UBR4: variants seen among roughly 807,000 people sequenced by gnomAD.
The protein encoded by UBR4 is E3 ubiquitin-protein ligase UBR4.
In UBR4, 124 loss-of-function variants were observed where a neutral mutation model predicts 575.6. The observed-to-expected ratio is 0.22, with a 90% CI of 0.19 to 0.25. UBR4 has a LOEUF of 0.25. Among genes scored for constraint, UBR4 ranks in the 10% least tolerant of loss-of-function variants. UBR4 has a pLI of 1.00. For missense variants in UBR4, 4,818 were observed against 6,478.8 expected (o/e 0.74, Z 8.80); for synonymous variants, 2,455 against 2,473.7 (o/e 0.99, Z 0.22).
At chr1:19,186,845 T>C (rs530290895) in intron 13 of UBR4, among the ~76,000 whole-genome samples, 188 bp from the exon 14 acceptor site, 4 of 152,222 alleles carry the variant, frequency 2.6e-5, no homozygotes, top group East Asian at 1.9e-4. Context: ...TGGACAAGAA[T>C]TGAAAACAGG....
At chr1:19,106,435 A>C in intron 83 of UBR4, 134 bp downstream of exon 83, 3 of 1,216,958 alleles carry the variant, frequency 2.5e-6, no homozygotes, top group Non-Finnish European at 3.3e-6. Flanking sequence ...CTCACTCCCT[A>C]TTTGAAAGGA....
In UBR4 at chr1:19,146,897, C is replaced by T. The variant is rs778424319; in HGVS notation, c.7733G>A (p.Arg2578His). The T allele has an allele frequency of 8.1e-6, 13 of 1,614,110 alleles. No homozygotes were observed. Among genetic ancestry groups the T allele is most frequent in the Middle Eastern group, 1.7e-4 (1 of 6,056 alleles). Residue 2578 changes from arginine (R) to histidine (H), a missense_variant, in exon 52 of 106, where the codon CGC becomes CAC. Transcript: ENST00000375254. ...EVFQRLVITARSIAIMRPNNL... is the reference protein window; with the variant it reads ...EVFQRLVITAHSIAIMRPNNL... ...GTTGGGGCGCATGATGGCAATGGAGCGAGCTGTGATCACTAGCCTCTGGAA... is the reference window on the plus strand; with the variant it reads ...GTTGGGGCGCATGATGGCAATGGAGTGAGCTGTGATCACTAGCCTCTGGAA...
In UBR4 at chr1:19,157,276, A is replaced by G. The variant is rs1366263685; in HGVS notation, c.5761-351T>C. Among the ~76,000 whole-genome samples, 3 of 152,246 alleles carry G rather than the reference A, an allele frequency of 2.0e-5. No homozygotes were observed. Among genetic ancestry groups the G allele is most frequent in the Middle Eastern group, 3.2e-3 (1 of 316 alleles). On this transcript the variant is annotated intron_variant, in intron 40 of 105. Transcript: ENST00000375254. This position sits in a 1 kb window ranked among gnomAD's most constrained non-coding sequence, Gnocchi z 4.4. The stretch of plus-strand genomic sequence containing the variant: ...GAAGGACTATCCATATTTTCACTTA[A>G]AATAAAAGTTAAAACAACATTAGTG...
At chr1:19,169,663 T>G (rs1266776873) in intron 26 of UBR4, 131 bp from the exon 27 acceptor site, 4 of 628,634 alleles carry the variant, frequency 6.4e-6, no homozygotes, top group Non-Finnish European at 1.1e-5. Context: ...TAAGATAGCT[T>G]AGATAGATAT....
Position 19,102,083 on chromosome 1 carries a change from C to T in UBR4, c.12902-442G>A, listed in dbSNP as rs141773551. On this transcript the variant is annotated intron_variant, in intron 87 of 105. Transcript: ENST00000375254. ...AGACTGTCCTCTATAAGCGAAAAAA[C>T]ACAACTTAAAGTAACATGAAGGTGA... Among the ~76,000 whole-genome samples, 24 of 152,280 alleles carry T rather than the reference C, an allele frequency of 1.6e-4. No homozygotes were observed. In the East Asian group the frequency reaches 3.7e-3, roughly 23 times the overall value.
chr1:19,185,434 C>T lies in UBR4; in HGVS notation c.1751-148G>A, dbSNP rs1351154065. The T allele has an allele frequency of 8.0e-6, 6 of 750,594 alleles. No homozygotes were observed. The East Asian group carries it at 1.2e-4, about 15-fold the overall frequency. The allele number at this position is 750,594 out of a possible 1,614,324, so 46.5% of individuals were successfully genotyped here. A position where few individuals can be genotyped will look rare whatever the true frequency, so the allele number is the denominator to read the frequency against. On this transcript the variant is annotated intron_variant, in intron 14 of 105. Coordinates refer to ENST00000375254, the MANE Select transcript of UBR4 (RefSeq NM_020765.3). ...ACAAGATTGCATTTGTGTATCAAAA[C>T]TCATCTAAATGCATACATAAAATAA...
chr1:19,193,052 C>T (rs4911978), intron 9 of UBR4, among the ~76,000 whole-genome samples: 100,657 of 152,044 alleles, frequency 0.66, 34,091 homozygotes, highest in African/African-American at 0.79. Flanking sequence ...ACTGGGATCA[C>T]AGGTGTGAGT....
intron 99 of UBR4, among the ~76,000 whole-genome samples, chr1:19,087,599 A>G (rs1170504783): frequency 2.0e-5 from 3 of 152,240 alleles, no homozygotes; most frequent in Non-Finnish European, 2.9e-5. Context: ...AATGAGCAGC[A>G]TTTGTCATGA....
intron 48 of UBR4, chr1:19,151,397 C>T: frequency 1.7e-6 from 1 of 585,190 alleles, no homozygotes; most frequent in Admixed American, 3.1e-5. Flanking sequence ...GAGGTGGACA[C>T]AACACTATTG....
At position 19,164,351 on chromosome 1, in the gene UBR4, G is replaced by A. The variant is rs774281395; in HGVS notation, c.4602C>T (p.Phe1534=). The change falls in exon 33 of 106, where the codon TTC becomes TTT. Residue 1534 remains phenylalanine, a synonymous_variant. Coordinates refer to ENST00000375254, the MANE Select transcript of UBR4 (RefSeq NM_020765.3). ...EMLANGDGTG[F]PELMVVMATL... is the part of the protein sequence containing the mutation. ...TGGCCATCACAACCATAAGTTCAGGGAAGCCAGTCCCATCACCGTTGGCCA... is the reference window on the plus strand; with the variant it reads ...TGGCCATCACAACCATAAGTTCAGGAAAGCCAGTCCCATCACCGTTGGCCA... The A allele has an allele frequency of 8.7e-6, 14 of 1,613,934 alleles. No homozygotes were observed. Among genetic ancestry groups the A allele is most frequent in the African/African-American group, 1.3e-5 (1 of 74,938 alleles).
In UBR4 at chr1:19,084,986, C is replaced by T. The variant is rs75649706; in HGVS notation, c.14814-288G>A. ...TAATGAACTAATGTTGTAGGACATA[C>T]CGTGGCTGCATGTGGAGTACATTTT... is the stretch of plus-strand genomic sequence containing the variant. On this transcript the variant is annotated intron_variant, in intron 101 of 105. Coordinates refer to ENST00000375254, the MANE Select transcript of UBR4 (RefSeq NM_020765.3). Among the ~76,000 whole-genome samples the T allele has an allele frequency of 9.8e-4, 149 of 152,354 alleles. 1 individual carries two copies. In the East Asian group the frequency reaches 0.02, roughly 21 times the overall value.
At chr1:19,094,408 G>C (rs955664726) in intron 94 of UBR4, among the ~76,000 whole-genome samples, 2 of 152,196 alleles carry the variant, frequency 1.3e-5, no homozygotes, top group African/African-American at 4.8e-5. Flanking sequence ...AATGCAGGCT[G>C]CTGGACATTC....
At chr1:19,191,396 G>A (rs1296455495) in intron 11 of UBR4, among the ~76,000 whole-genome samples, 5 of 152,116 alleles carry the variant, frequency 3.3e-5, no homozygotes, top group African/African-American at 4.8e-5. Flanking sequence ...GCTTGAACCC[G>A]CGAAGTGGAG....
chr1:19,106,024 G>A (rs1445756977), intron 83 of UBR4, among the ~76,000 whole-genome samples, 182 bp from the exon 84 acceptor site: 1 of 152,136 alleles, frequency 6.6e-6, no homozygotes, highest in Non-Finnish European at 1.5e-5. Context: ...TGGGGAAAGG[G>A]GCTGTGAAAG....
At position 19,161,664 on chromosome 1, in the gene UBR4, C is replaced by T. The variant is rs1553195305; in HGVS notation, c.5100G>A (p.Lys1700=). The stretch of plus-strand genomic sequence containing the variant: ...ACTTGGCATAGGAAATCTCATGATC[C>T]TTGTGGCACACCTTAGCACACACTG... ...VCTVCAKVCH[K]DHEISYAKYG... The change falls in exon 37 of 106, where the codon AAG becomes AAA. Residue 1700 remains lysine, a synonymous_variant. Transcript: ENST00000375254. 1 of 1,614,036 alleles carries T rather than the reference C, an allele frequency of 6.2e-7. No homozygotes were observed. Among genetic ancestry groups the T allele is most frequent in the Non-Finnish European group, 8.5e-7 (1 of 1,179,942 alleles).
chr1:19,206,777 A>C (rs72651411), intron 1 of UBR4, among the ~76,000 whole-genome samples: 3 of 152,370 alleles, frequency 2.0e-5, no homozygotes, highest in Non-Finnish European at 4.4e-5. Context: ...CAATGACTTG[A>C]GAGTATGCTT....
chr1:19,115,904 T>C (rs1476723254), intron 73 of UBR4, among the ~76,000 whole-genome samples: 1 of 152,156 alleles, frequency 6.6e-6, no homozygotes, highest in African/African-American at 2.4e-5. Context: ...CAGAAGTATA[T>C]AACAAGGGAA....
chr1:19,081,177 G>T, intron 103 of UBR4, 172 bp downstream of exon 103: 1 of 599,426 alleles, frequency 1.7e-6, no homozygotes, highest in Non-Finnish European at 2.9e-6. Context: ...CAGGCAACCT[G>T]CCAGCCATCA....
Position 19,101,583 on chromosome 1 carries a change from G to A in UBR4, c.12960C>T (p.Tyr4320=). The A allele has an allele frequency of 3.1e-6, 5 of 1,614,022 alleles. No homozygotes were observed. The highest frequency in any genetic ancestry group is 1.1e-5 in the South Asian group (1 of 91,082). The change falls in exon 88 of 106, where the codon TAC becomes TAT. Residue 4320 remains tyrosine, a synonymous_variant. Transcript: ENST00000375254. ...CCGGGGTCCGGTAGTCATCCAGATTGTAGCGCTTGGCTGTCTCAATGCACA... is the reference window on the plus strand; with the variant it reads ...CCGGGGTCCGGTAGTCATCCAGATTATAGCGCTTGGCTGTCTCAATGCACA... ...MAVCIETAKR[Y]NLDDYRTPVF...
Sources: gnomAD v4.1 joint callset for allele counts (sites outside exome capture counted in the v4.1 genomes callset) on GRCh38, gnomAD v4.1.1 for gene constraint, Gnocchi (gnomAD v3.1) non-coding constraint, MANE v1.5 for transcripts, NCBI Gene and HGNC (gene_info 2026-07-23, HGNC 2026-07-21) for gene names.